ZFP64: variants seen among roughly 807,000 people sequenced by gnomAD.
The protein encoded by ZFP64 is zinc finger protein 64.
In ZFP64, 14 loss-of-function variants were observed where a neutral mutation model predicts 51.6. The observed-to-expected ratio is 0.27, with a 90% CI of 0.18 to 0.42. The LOEUF (loss-of-function observed/expected upper bound fraction) is 0.42, where lower values mean the gene tolerates loss of function less well. Among genes scored for constraint, ZFP64 ranks in the 10% least tolerant of loss-of-function variants. The pLI, the probability that ZFP64 is intolerant of heterozygous loss-of-function variation, is 1.00. For synonymous variants in ZFP64, 375 were observed against 361.4 expected (o/e 1.04, Z -0.43); for missense variants, 754 against 906.8 (o/e 0.83, Z 2.16).
At chr20:52,105,317 C>A in intron 5 of ZFP64, 2 of 1,254,676 alleles carry the variant, frequency 1.6e-6, no homozygotes, top group Non-Finnish European at 2.0e-6. Flanking sequence ...GGAAATTACC[C>A]CCCTTCGGCC....
intron 5 of ZFP64, among the ~76,000 whole-genome samples, chr20:52,118,547 C>A (rs1600723940): frequency 2.0e-5 from 3 of 152,292 alleles, no homozygotes; most frequent in South Asian, 4.1e-4. Flanking sequence ...ACTAGTGTCT[C>A]CTTATCTTAT....
At chr20:52,128,604 T>C (rs112436335) in intron 5 of ZFP64, among the ~76,000 whole-genome samples, 5 of 152,328 alleles carry the variant, frequency 3.3e-5, no homozygotes, top group South Asian at 2.1e-4. Flanking sequence ...ACCTAACTTG[T>C]TATTCTTGGA....
intron 2 of ZFP64, among the ~76,000 whole-genome samples, chr20:52,186,160 G>A (rs888167665): frequency 1.2e-4 from 19 of 152,254 alleles, no homozygotes; most frequent in African/African-American, 4.6e-4. Flanking sequence ...TTTCCCTACA[G>A]GATCCAGTAC....
downstream of ZFP64, among the ~76,000 whole-genome samples, chr20:52,150,784 A>T (rs547347285): frequency 2.0e-5 from 3 of 152,172 alleles, no homozygotes; most frequent in Non-Finnish European, 4.4e-5. Context: ...TGCTATTACA[A>T]CCTTACAGAA....
intron 2 of ZFP64, among the ~76,000 whole-genome samples, chr20:52,175,406 C>A (rs781479607): frequency 1.7e-4 from 26 of 152,198 alleles, no homozygotes; most frequent in Non-Finnish European, 3.8e-4. Flanking sequence ...TCCAGGCAAG[C>A]GCCACCGCGC....
intron 5 of ZFP64, among the ~76,000 whole-genome samples, chr20:52,123,674 T>A (rs1460046668): frequency 2.6e-5 from 4 of 152,224 alleles, no homozygotes; most frequent in Admixed American, 6.5e-5. Flanking sequence ...TAGCATATAT[T>A]ATTTGATCAC....
intron 5 of ZFP64, among the ~76,000 whole-genome samples, chr20:52,124,437 T>C (rs1046862360): frequency 6.6e-6 from 1 of 151,984 alleles, no homozygotes; most frequent in East Asian, 1.9e-4. Flanking sequence ...ACCCTGTGCA[T>C]GTATTACTTT....
At chr20:52,112,008 G>A (rs1355532672) in intron 5 of ZFP64, among the ~76,000 whole-genome samples, 3 of 150,802 alleles carry the variant, frequency 2.0e-5, no homozygotes, top group African/African-American at 4.9e-5. Flanking sequence ...CTTGAACCCA[G>A]GAGGCAGAGG....
intron 5 of ZFP64, among the ~76,000 whole-genome samples, chr20:52,102,107 C>CCA (rs551838560): frequency 1.6e-5 from 1 of 63,424 alleles, no homozygotes; most frequent in African/African-American, 6.8e-5. Context: ...ACTCCATCTC[C>CCA]AAAAAAAAAA....
intron 2 of ZFP64, among the ~76,000 whole-genome samples, chr20:52,176,447 C>G (rs1219566977): frequency 2.6e-5 from 4 of 151,954 alleles, no homozygotes; most frequent in African/African-American, 9.7e-5. Flanking sequence ...CCAACAAGCC[C>G]TTTGAGCTGT....
At chr20:52,127,959 A>G (rs2122871435) in intron 5 of ZFP64, among the ~76,000 whole-genome samples, 1 of 152,126 alleles carries the variant, frequency 6.6e-6, no homozygotes, top group South Asian at 2.1e-4. Flanking sequence ...ATGTTTATTT[A>G]TTTTTTTCCC....
intron 2 of ZFP64, among the ~76,000 whole-genome samples, chr20:52,169,558 T>A (rs774568054): frequency 2.8e-4 from 43 of 152,166 alleles, no homozygotes; most frequent in Non-Finnish European, 5.9e-5. Context: ...TCCTGCCACT[T>A]TCTGCTCTCT....
intron 1 of ZFP64, among the ~76,000 whole-genome samples, chr20:52,188,969 C>T (rs1984176857): frequency 6.6e-6 from 1 of 151,296 alleles, no homozygotes; most frequent in Non-Finnish European, 1.5e-5. Context: ...GAGCGAGACT[C>T]CGTCTCACAT....
At chr20:52,148,855 A>G (rs1980653858), downstream of ZFP64, among the ~76,000 whole-genome samples, 1 of 152,256 alleles carries the variant, frequency 6.6e-6, no homozygotes, top group African/African-American at 2.4e-5. Flanking sequence ...ATGAAGCGAC[A>G]GAAGAATCTA....
At chr20:52,098,553 G>A (rs2079016998) in exon 6 of ZFP64, 2 of 1,614,142 alleles carry the variant, frequency 1.2e-6, no homozygotes, top group East Asian at 4.5e-5. Flanking sequence ...TGGAGAGGCA[G>A]TTTGCTTTTG....
In ZFP64 at chr20:52,113,592, CT is replaced by C. The variant is rs61331317; in HGVS notation, c.764-15006del. On this transcript the variant is annotated intron_variant, in intron 5 of 8. Coordinates refer to the ZFP64 transcript ENST00000361387. ...ACAAGGCACCCGCCACCATACCTGG[CT>C]TTTTTTTTTTTTTTCTTTCATTTTT... 5.3e-3 allele frequency among the ~76,000 whole-genome samples: 678 copies of C among 126,910 alleles called. 16 individuals are homozygous for C. In the East Asian group the frequency reaches 0.084, roughly 16 times the overall value. The allele number at this position is 126,910 out of a possible 152,430, so 83.3% of individuals were successfully genotyped here. A position where few individuals can be genotyped will look rare whatever the true frequency, so the allele number is the denominator to read the frequency against.
intron 5 of ZFP64, chr20:52,105,621 C>G (rs746143332): frequency 4.5e-4 from 73 of 162,348 alleles, no homozygotes; most frequent in Middle Eastern, 5.6e-3. Context: ...GATTCGTTTG[C>G]CCATTAAAAT....
intron 5 of ZFP64, among the ~76,000 whole-genome samples, chr20:52,117,964 T>G (rs1203599690): frequency 1.3e-5 from 2 of 150,130 alleles, no homozygotes; most frequent in African/African-American, 4.9e-5. Flanking sequence ...CCCAGCATAT[T>G]TTTTTTTTGG....
intron 5 of ZFP64, among the ~76,000 whole-genome samples, chr20:52,142,860 C>CAAAAAAAAAAAAAAAAA (rs1568674174): frequency 1.2e-5 from 1 of 84,952 alleles, no homozygotes. Flanking sequence ...AAAAAAAAAG[C>CAAAAAAAAAAAAAAAAA]AAAAAAGAGG....
Sources: gnomAD v4.1 joint callset for allele counts (sites outside exome capture counted in the v4.1 genomes callset) on GRCh38, gnomAD v4.1.1 for gene constraint, MANE v1.5 for transcripts, NCBI Gene and HGNC (gene_info 2026-07-23, HGNC 2026-07-21) for gene names.